GOLM2: variants seen among roughly 807,000 people sequenced by gnomAD.
The protein encoded by GOLM2 is golgi membrane protein 2.
GOLM2 carries 26 observed loss-of-function variants against 55.9 expected under a neutral mutation model. The ratio of observed to expected loss-of-function variants is 0.47; its 90% CI spans 0.34 to 0.65. The LOEUF (loss-of-function observed/expected upper bound fraction) is 0.65, where lower values mean the gene tolerates loss of function less well. Ranked by LOEUF, GOLM2 falls within the 30% of genes least tolerant of loss-of-function variation. The pLI, the probability that GOLM2 is intolerant of heterozygous loss-of-function variation, is 0.01. For missense variants in GOLM2, 486 were observed against 531.8 expected, an observed-to-expected ratio of 0.91 and a Z score of 0.85; for synonymous variants, 165 against 194.6, an observed-to-expected ratio of 0.85 and a Z score of 1.27.
At chr15:44,348,908 G>GA (rs918617174) in intron 6 of GOLM2, 30 of 142,842 alleles carry the variant, frequency 2.1e-4, no homozygotes, top group Non-Finnish European at 3.5e-4. Flanking sequence ...CTCAAAAAAA[G>GA]AAAAAAAAAA....
intron 1 of GOLM2, among the ~76,000 whole-genome samples, chr15:44,310,491 C>T (rs865993835): frequency 6.9e-4 from 89 of 128,060 alleles, no homozygotes; most frequent in African/African-American, 2.1e-3. Flanking sequence ...TATATATATA[C>T]ACACACACAC....
At chr15:44,325,804 G>C (rs2078976966) in intron 2 of GOLM2, among the ~76,000 whole-genome samples, 1 of 152,096 alleles carries the variant, frequency 6.6e-6, no homozygotes. Context: ...CTGGGGCCAG[G>C]GTTTCTGGTA....
rs910346339 is a variant in GOLM2 at position 44,289,691 on chromosome 15, C to T, written c.327+335C>T. 6.6e-6 allele frequency among the ~76,000 whole-genome samples: 1 copy of T among 152,168 alleles called. No homozygotes were observed. Among genetic ancestry groups the T allele is most frequent in the Non-Finnish European group, 1.5e-5 (1 of 68,034 alleles). On this transcript the variant is annotated intron_variant, in intron 1 of 9. Transcript: ENST00000299957. This position sits in a 1 kb window ranked among gnomAD's most constrained non-coding sequence, Gnocchi z 4.8. ...TACCTTCAAAGACACACAAATCTGGCGACTGCCAGGTTTGGTGTGGTTATT... is the reference window on the plus strand; with the variant it reads ...TACCTTCAAAGACACACAAATCTGGTGACTGCCAGGTTTGGTGTGGTTATT...
intron 6 of GOLM2, among the ~76,000 whole-genome samples, chr15:44,370,966 G>C (rs2079325858): frequency 6.6e-6 from 1 of 152,154 alleles, no homozygotes; most frequent in African/African-American, 2.4e-5. Flanking sequence ...AACCACCTCT[G>C]TTATTTCTGT....
At chr15:44,356,604 C>A (rs1237852161) in intron 6 of GOLM2, among the ~76,000 whole-genome samples, 3 of 152,176 alleles carry the variant, frequency 2.0e-5, no homozygotes, top group Non-Finnish European at 4.4e-5. Flanking sequence ...GCACCAGGTA[C>A]AGATGGGTTT....
intron 8 of GOLM2, among the ~76,000 whole-genome samples, chr15:44,393,932 A>T (rs2079508006): frequency 6.6e-6 from 1 of 152,094 alleles, no homozygotes; most frequent in Admixed American, 6.6e-5. Context: ...ACCTCAAGTG[A>T]TCCACCCGCC....
chr15:44,360,211 T>C (rs1346467786), intron 6 of GOLM2, among the ~76,000 whole-genome samples: 2 of 151,820 alleles, frequency 1.3e-5, no homozygotes, highest in African/African-American at 4.8e-5. Context: ...AATATTAACT[T>C]TAAATGTAAA....
At chr15:44,321,192 C>A (rs2078945936) in intron 1 of GOLM2, among the ~76,000 whole-genome samples, 2 of 152,072 alleles carry the variant, frequency 1.3e-5, no homozygotes, top group South Asian at 4.2e-4. Flanking sequence ...ATTGCATGGG[C>A]CAGGCATTGT....
In GOLM2 at chr15:44,413,405, A is replaced by T; in HGVS notation, c.1310A>T (p.Ter437LeuextTer13). ...AAGCAACATTTCAATGATGTCCTTTAAGTCCTAAAGGAATGCTTCAGAAAA... is the reference window on the plus strand; with the variant it reads ...AAGCAACATTTCAATGATGTCCTTTTAGTCCTAAAGGAATGCTTCAGAAAA... The part of the protein sequence containing the change: ...YGKQHFNDVL[*>L] Residue 437 changes from the stop codon to leucine (L), a stop_lost, in exon 10 of 10, where the codon TAA (stop) becomes TTA (leucine). Transcript: ENST00000299957. The T allele has an allele frequency of 6.2e-7, 1 of 1,605,542 alleles. No individual in the cohort carries two copies. Among genetic ancestry groups the T allele is most frequent in the Non-Finnish European group, 8.5e-7 (1 of 1,174,880 alleles).
intron 8 of GOLM2, among the ~76,000 whole-genome samples, chr15:44,394,044 G>A (rs1195626532): frequency 1.3e-5 from 2 of 152,126 alleles, no homozygotes; most frequent in Non-Finnish European, 2.9e-5. Flanking sequence ...TTTGGTATCT[G>A]CTGGGGTCCT....
intron 8 of GOLM2, among the ~76,000 whole-genome samples, chr15:44,384,885 G>A (rs892931302): frequency 1.3e-5 from 2 of 151,530 alleles, no homozygotes; most frequent in African/African-American, 4.8e-5. Context: ...CTCCAGCCTG[G>A]CAACAGAGCG....
chr15:44,336,652 C>T (rs1307616502), intron 4 of GOLM2, among the ~76,000 whole-genome samples: 2 of 151,988 alleles, frequency 1.3e-5, no homozygotes, highest in Admixed American at 1.3e-4. Flanking sequence ...TACGGTGGCT[C>T]ACGCCTGTAA....
chr15:44,398,979 T>G (rs1420466386), intron 8 of GOLM2, among the ~76,000 whole-genome samples: 1 of 152,160 alleles, frequency 6.6e-6, no homozygotes, highest in Admixed American at 6.5e-5. Flanking sequence ...CGTAATTATC[T>G]GTAATTTGCT....
In GOLM2 at chr15:44,344,309, A is replaced by ATT. The variant is rs1456846786; in HGVS notation, c.802+5993_802+5994insTT. ...TGTGTATATATATATATATATATAT[A>ATT]TACCTCTGAAATAGTCAAGGGTTAT... On this transcript the variant is annotated intron_variant, in intron 6 of 9. Transcript: ENST00000299957. 2.5e-3 allele frequency among the ~76,000 whole-genome samples: 368 copies of ATT among 148,052 alleles called. 12 individuals are homozygous for ATT. The highest frequency in any genetic ancestry group is 0.018 in the East Asian group (89 of 5,074).
At chr15:44,411,950 T>G (rs2079641410) in intron 9 of GOLM2, among the ~76,000 whole-genome samples, 2 of 152,194 alleles carry the variant, frequency 1.3e-5, no homozygotes. Context: ...GTGGATCACT[T>G]GAGCCCAGGA....
chr15:44,357,856 T>A (rs1350262504), intron 6 of GOLM2, among the ~76,000 whole-genome samples: 1 of 152,076 alleles, frequency 6.6e-6, no homozygotes, highest in Non-Finnish European at 1.5e-5. Flanking sequence ...GTGTGAAAGG[T>A]CTATATAAGG....
At chr15:44,370,617 C>T (rs1032632767) in intron 6 of GOLM2, among the ~76,000 whole-genome samples, 1 of 152,042 alleles carries the variant, frequency 6.6e-6, no homozygotes, top group African/African-American at 2.4e-5. Flanking sequence ...ATCTGAATAC[C>T]GAAGATGGTT....
intron 8 of GOLM2, chr15:44,390,048 A>G (rs2079476980): frequency 6.6e-6 from 1 of 152,168 alleles, no homozygotes; most frequent in Non-Finnish European, 1.5e-5. Flanking sequence ...TCATACTTAT[A>G]TTGATATATT....
chr15:44,347,980 A>G (rs984197001), intron 6 of GOLM2, among the ~76,000 whole-genome samples: 13 of 152,138 alleles, frequency 8.5e-5, no homozygotes, highest in African/African-American at 3.1e-4. Context: ...CCTGCCTTGA[A>G]GGGAAGGACC....
Sources: allele counts gnomAD v4.1 joint callset (sites outside exome capture counted in the v4.1 genomes callset), GRCh38; gene constraint gnomAD v4.1.1; non-coding constraint Gnocchi (gnomAD v3.1); transcripts MANE v1.5; gene names NCBI Gene and HGNC (gene_info 2026-07-23, HGNC 2026-07-21).